The following AIG1 variants were observed in gnomAD, a reference collection of about 807,000 sequenced individuals.
AIG1 encodes the protein androgen-induced gene 1 protein.
A neutral mutation model predicts 31.4 loss-of-function variants in AIG1; 23 were observed. The ratio of observed to expected loss-of-function variants is 0.73; its 90% CI spans 0.53 to 1.04. The LOEUF (loss-of-function observed/expected upper bound fraction) is 1.04. Ranked by LOEUF, AIG1 falls within the 50% of genes least tolerant of loss-of-function variation. The pLI is 0.00. For synonymous variants in AIG1, 100 were observed against 110.5 expected (o/e 0.90, Z 0.60); for missense variants, 274 against 295.0 (o/e 0.93, Z 0.52).
chr6:143,306,164 C>T (rs1358271134), intron 4 of AIG1, among the ~76,000 whole-genome samples: 1 of 151,720 alleles, frequency 6.6e-6, no homozygotes, highest in Non-Finnish European at 1.5e-5. Context: ...ACTGATGGGT[C>T]TTGACTCTTT....
chr6:143,212,339 C>G, intron 3 of AIG1, among the ~76,000 whole-genome samples: 1 of 152,298 alleles, frequency 6.6e-6, no homozygotes, highest in East Asian at 1.9e-4. Context: ...TAAAGCTCAG[C>G]AGATAGCATT....
intron 1 of AIG1, among the ~76,000 whole-genome samples, chr6:143,074,710 G>T (rs1777583345): frequency 6.6e-6 from 1 of 152,202 alleles, no homozygotes; most frequent in African/African-American, 2.4e-5. Flanking sequence ...TTTGTGGGGT[G>T]AATGCTACTT....
chr6:143,080,758 C>T (rs1332946194), intron 1 of AIG1, among the ~76,000 whole-genome samples: 1 of 152,050 alleles, frequency 6.6e-6, no homozygotes, highest in Non-Finnish European at 1.5e-5. Flanking sequence ...GCTGGATTTT[C>T]GGGTTCCTTT....
At chr6:143,155,022 T>C (rs1250918396) in intron 2 of AIG1, among the ~76,000 whole-genome samples, 3 of 151,684 alleles carry the variant, frequency 2.0e-5, no homozygotes, top group Admixed American at 6.6e-5. Flanking sequence ...TATTTTTTTT[T>C]TTTTTTTTGT....
In AIG1 at chr6:143,326,261, G is replaced by C. The variant is rs563163570; in HGVS notation, c.516-7021G>C. Among the ~76,000 whole-genome samples, 5 of 152,286 alleles carry C rather than the reference G, an allele frequency of 3.3e-5. No homozygotes were observed. Among genetic ancestry groups the C allele is most frequent in the African/African-American group, 1.2e-4 (5 of 41,552 alleles). On this transcript the variant is annotated intron_variant, in intron 4 of 5. Transcript: ENST00000357847. This position sits in a 1 kb window ranked among gnomAD's most constrained non-coding sequence, Gnocchi z 4.5. The stretch of plus-strand genomic sequence containing the variant: ...TCAACCCATGGTTTGGCACCTGCCT[G>C]CTCCTTCTGCCCTCTCTTCCTTGAT...
chr6:143,324,562 G>C (rs1776456795), intron 4 of AIG1, among the ~76,000 whole-genome samples: 1 of 152,194 alleles, frequency 6.6e-6, no homozygotes, highest in Admixed American at 6.5e-5. Flanking sequence ...ACACTAAACT[G>C]CTGAAATGTG....
chr6:143,325,044 G>A lies in AIG1; in HGVS notation c.516-8238G>A, dbSNP rs539690689. Among the ~76,000 whole-genome samples, 3 of 152,214 alleles carry A rather than the reference G, an allele frequency of 2.0e-5. No individual in the cohort carries two copies. The highest frequency in any genetic ancestry group is 3.9e-4 in the East Asian group (2 of 5,166). Reference sequence around the variant, plus strand: ...AACATCCAAAGTAGATTCGAATGTTGTACATACCACTTGGAATCTGAAAAT... The same window carrying A: ...AACATCCAAAGTAGATTCGAATGTTATACATACCACTTGGAATCTGAAAAT... On this transcript the variant is annotated intron_variant, in intron 4 of 5. Coordinates refer to ENST00000357847, the MANE Select transcript of AIG1 (RefSeq NM_016108.4). The surrounding 1 kb of genome is among the most constrained non-coding windows in gnomAD (Gnocchi z 4.3).
rs548929296 is a variant in AIG1, at chr6:143,284,842, C to T, written c.515+617C>T. Reference sequence around the variant, plus strand: ...ATCTGATAAAAGAATTTTTGCCTGGCGAGTCTACTTCACATTAATTTCAGT... The same window carrying T: ...ATCTGATAAAAGAATTTTTGCCTGGTGAGTCTACTTCACATTAATTTCAGT... On this transcript the variant is annotated intron_variant, in intron 4 of 5. Transcript: ENST00000357847. The surrounding 1 kb of genome is among the most constrained non-coding windows in gnomAD (Gnocchi z 4.4). Among the ~76,000 whole-genome samples the T allele has an allele frequency of 2.0e-5, 3 of 152,086 alleles. No homozygotes were observed. Among genetic ancestry groups the T allele is most frequent in the Non-Finnish European group, 2.9e-5 (2 of 68,024 alleles).
At chr6:143,184,816 T>C (rs1216188941) in intron 3 of AIG1, among the ~76,000 whole-genome samples, 2 of 152,210 alleles carry the variant, frequency 1.3e-5, no homozygotes, top group African/African-American at 4.8e-5. Context: ...ATCCTCATCT[T>C]ATCTTTATGC....
In AIG1 at chr6:143,216,972, A is replaced by G. The variant is rs189340122; in HGVS notation, c.399+51789A>G. ...AAGGCTGGGAAATGTAAAATAAGTC[A>G]CACAGGGTTCTATGACTAGTTAGCA... is the stretch of plus-strand genomic sequence containing the variant. On this transcript the variant is annotated intron_variant, in intron 3 of 5. Coordinates refer to ENST00000357847, the MANE Select transcript of AIG1 (RefSeq NM_016108.4). Among the ~76,000 whole-genome samples the G allele has an allele frequency of 1.9e-4, 29 of 152,378 alleles. No homozygotes were observed. The South Asian group carries it at 4.6e-3, about 24-fold the overall frequency.
chr6:143,306,032 A>C (rs964511929), intron 4 of AIG1, among the ~76,000 whole-genome samples: 211 of 147,482 alleles, frequency 1.4e-3, no homozygotes, highest in Admixed American at 2.2e-3. Flanking sequence ...GTTTTATCAC[A>C]GACTAGGATT....
rs1583918217 is a variant in AIG1 at position 143,338,253 on chromosome 6, C to G, written c.680-1386C>G. 1 of 379,104 alleles carries G rather than the reference C, an allele frequency of 2.6e-6. No individual in the cohort carries two copies. The highest frequency in any genetic ancestry group is 3.8e-5 in the East Asian group (1 of 26,418). The allele number at this position is 379,104 out of a possible 1,614,324, so 23.5% of individuals were successfully genotyped here. On this transcript the variant is annotated intron_variant, in intron 5 of 5. Transcript: ENST00000357847. This position sits in a 1 kb window ranked among gnomAD's most constrained non-coding sequence, Gnocchi z 4.3. ...GCTGTTTTCTTCTTTCCGTGGTTACCCAACAACGAAGGCGTGTTGTACCTT... is the reference window on the plus strand; with the variant it reads ...GCTGTTTTCTTCTTTCCGTGGTTACGCAACAACGAAGGCGTGTTGTACCTT...
chr6:143,081,142 C>T (rs1298649215), intron 1 of AIG1, among the ~76,000 whole-genome samples: 1 of 152,126 alleles, frequency 6.6e-6, no homozygotes, highest in African/African-American at 2.4e-5. Context: ...CTTAGTAAGG[C>T]TATAGGCAAC....
intron 4 of AIG1, among the ~76,000 whole-genome samples, chr6:143,314,624 T>C (rs989817729): frequency 6.6e-6 from 1 of 152,140 alleles, no homozygotes; most frequent in Non-Finnish European, 1.5e-5. Context: ...ACAGGATCTA[T>C]ATGCAATAAA....
At chr6:143,074,428 G>A (rs191680789) in intron 1 of AIG1, among the ~76,000 whole-genome samples, 397 of 152,258 alleles carry the variant, frequency 2.6e-3, no homozygotes, top group Non-Finnish European at 4.2e-3. Flanking sequence ...TGTATATGGC[G>A]CAAGAGAATG....
At chr6:143,321,339 C>A (rs1477200492) in intron 4 of AIG1, among the ~76,000 whole-genome samples, 3 of 151,918 alleles carry the variant, frequency 2.0e-5, no homozygotes, top group Non-Finnish European at 2.9e-5. Flanking sequence ...GTGGCTCACA[C>A]CTGTAATCCC....
chr6:143,106,208 T>A (rs548547936), intron 1 of AIG1, among the ~76,000 whole-genome samples: 2 of 152,222 alleles, frequency 1.3e-5, no homozygotes, highest in East Asian at 3.9e-4. Context: ...GAGAACACCA[T>A]GTGAGCATGA....
At chr6:143,154,776 C>T (rs1785566640) in intron 2 of AIG1, among the ~76,000 whole-genome samples, 1 of 152,100 alleles carries the variant, frequency 6.6e-6, no homozygotes, top group African/African-American at 2.4e-5. Context: ...TACACAGGAA[C>T]ACTGTGTTAT....
At chr6:143,228,265 G>A (rs1793171288) in intron 3 of AIG1, among the ~76,000 whole-genome samples, 1 of 152,170 alleles carries the variant, frequency 6.6e-6, no homozygotes, top group African/African-American at 2.4e-5. Flanking sequence ...GCCCCCAAGG[G>A]GCTGTATTTT....
Sources: allele counts gnomAD v4.1 joint callset (sites outside exome capture counted in the v4.1 genomes callset), GRCh38; gene constraint gnomAD v4.1.1; non-coding constraint Gnocchi (gnomAD v3.1); transcripts MANE v1.5; gene names NCBI Gene and HGNC (gene_info 2026-07-23, HGNC 2026-07-21).